The following KCNIP4 variants were observed in gnomAD, a reference collection of about 807,000 sequenced individuals.
KCNIP4 encodes the protein Kv channel-interacting protein 4.
A neutral mutation model predicts 34.0 loss-of-function variants in KCNIP4; 12 were observed. The observed-to-expected ratio is 0.35, with a 90% CI of 0.23 to 0.57. The LOEUF is 0.57. Among genes scored for constraint, KCNIP4 ranks in the 20% least tolerant of loss-of-function variants. The probability of loss-of-function intolerance (pLI) is 0.83; values close to 1 mark genes in which losing one functional copy is unlikely to be tolerated. For missense variants in KCNIP4, 238 were observed against 311.7 expected (o/e 0.76, Z 1.78); for synonymous variants, 124 against 102.2 (o/e 1.21, Z -1.29).
chr4:21,411,401 T>G (rs1019168911), intron 1 of KCNIP4, among the ~76,000 whole-genome samples: 1 of 152,208 alleles, frequency 6.6e-6, no homozygotes, highest in Admixed American at 6.5e-5. Flanking sequence ...AATCTACCCA[T>G]GAACCTTTGG....
intron 1 of KCNIP4, among the ~76,000 whole-genome samples, chr4:21,490,652 G>A (rs1732311503): frequency 6.6e-6 from 1 of 152,214 alleles, no homozygotes; most frequent in South Asian, 2.1e-4. Flanking sequence ...GCCCAGAAGT[G>A]CACACTATTC....
At chr4:21,263,155 A>G (rs1761580456) in intron 1 of KCNIP4, among the ~76,000 whole-genome samples, 2 of 152,198 alleles carry the variant, frequency 1.3e-5, no homozygotes, top group Non-Finnish European at 2.9e-5. Context: ...ATTGGTCCAT[A>G]TGATAATTCT....
At chr4:21,695,766 G>A (rs772761746) in intron 1 of KCNIP4, among the ~76,000 whole-genome samples, 1 of 152,104 alleles carries the variant, frequency 6.6e-6, no homozygotes, top group African/African-American at 2.4e-5. Context: ...CCCTATCAGA[G>A]AGGAAAGGAC....
chr4:21,038,181 T>C (rs954046374), intron 1 of KCNIP4, among the ~76,000 whole-genome samples: 2 of 152,066 alleles, frequency 1.3e-5, no homozygotes, highest in African/African-American at 4.8e-5. Context: ...TTTCACCACG[T>C]TGGCCAGATG....
intron 1 of KCNIP4, among the ~76,000 whole-genome samples, chr4:21,410,373 GGCA>G (rs1399767002): frequency 6.6e-6 from 1 of 152,138 alleles, no homozygotes; most frequent in Non-Finnish European, 1.5e-5. Context: ...CACAGAATGT[GGCA>G]GAATTAGTAT....
intron 3 of KCNIP4, chr4:20,767,260 A>G (rs1308433559): frequency 6.6e-6 from 1 of 152,076 alleles, no homozygotes; most frequent in African/African-American, 2.4e-5. Flanking sequence ...AAGTTGAATC[A>G]CTCTATCTAA....
chr4:21,481,405 C>G (rs1445591930), intron 1 of KCNIP4, among the ~76,000 whole-genome samples: 1 of 152,026 alleles, frequency 6.6e-6, no homozygotes, highest in African/African-American at 2.4e-5. Context: ...TGGAGAAGAC[C>G]CTTCCAGGAC....
chr4:21,009,293 T>G (rs1381250211), intron 1 of KCNIP4, among the ~76,000 whole-genome samples: 2 of 152,174 alleles, frequency 1.3e-5, no homozygotes, highest in Non-Finnish European at 2.9e-5. Flanking sequence ...AATAAATGAG[T>G]GAATAAAATT....
intron 3 of KCNIP4, among the ~76,000 whole-genome samples, chr4:20,832,430 A>G (rs1718534810): frequency 6.6e-6 from 1 of 152,176 alleles, no homozygotes; most frequent in South Asian, 2.1e-4. Context: ...ACTTCTGAGA[A>G]ATTAAAGACA....
At chr4:20,784,564 A>G (rs1368857839) in intron 3 of KCNIP4, among the ~76,000 whole-genome samples, 2 of 152,102 alleles carry the variant, frequency 1.3e-5, no homozygotes, top group Non-Finnish European at 2.9e-5. Flanking sequence ...ACTGTTAAAG[A>G]TTCCTCTTTC....
chr4:20,943,202 G>A (rs924376005), intron 1 of KCNIP4, among the ~76,000 whole-genome samples: 2 of 152,014 alleles, frequency 1.3e-5, no homozygotes, highest in South Asian at 2.1e-4. Flanking sequence ...ACTGAATTTG[G>A]TGAGGAATTC....
chr4:20,820,794 C>G (rs1578698165), intron 3 of KCNIP4, among the ~76,000 whole-genome samples: 1 of 152,198 alleles, frequency 6.6e-6, no homozygotes, highest in Non-Finnish European at 1.5e-5. Flanking sequence ...AGGGCCAACT[C>G]AATTTCTGCT....
intron 1 of KCNIP4, chr4:21,613,397 AC>A (rs1278755469): frequency 2.6e-5 from 4 of 152,144 alleles, no homozygotes; most frequent in African/African-American, 9.7e-5. Flanking sequence ...ATGGAGAAAA[AC>A]TAAGGCCTCC....
chr4:21,446,998 A>AG (rs1035481289), intron 1 of KCNIP4, among the ~76,000 whole-genome samples: 9 of 152,014 alleles, frequency 5.9e-5, no homozygotes, highest in Middle Eastern at 3.4e-3. Flanking sequence ...AGGTGCATAC[A>AG]GAAAAAAAAA....
intron 4 of KCNIP4, among the ~76,000 whole-genome samples, chr4:20,749,953 A>G (rs1460130527): frequency 6.6e-6 from 1 of 152,210 alleles, no homozygotes; most frequent in Non-Finnish European, 1.5e-5. Flanking sequence ...AACATTCTCT[A>G]TGAGTTTCTG....
chr4:21,712,939 G>A (rs915546715), intron 1 of KCNIP4, among the ~76,000 whole-genome samples: 1 of 152,104 alleles, frequency 6.6e-6, no homozygotes, highest in Non-Finnish European at 1.5e-5. Context: ...CTTCCTCCCT[G>A]TGTCTGCTTC....
intron 1 of KCNIP4, among the ~76,000 whole-genome samples, chr4:21,404,961 G>A (rs1234778714): frequency 1.3e-5 from 2 of 152,090 alleles, no homozygotes; most frequent in African/African-American, 2.4e-5. Context: ...AGGCCTATCT[G>A]TGCACTTCCT....
intron 1 of KCNIP4, among the ~76,000 whole-genome samples, chr4:21,501,717 C>T (rs76273943): frequency 0.083 from 3,212 of 38,522 alleles, 101 homozygotes; most frequent in African/African-American, 0.18. Context: ...TGTGTGTGTG[C>T]GTTGGAAGGG....
At chr4:20,835,874 C>T (rs1343231699) in intron 3 of KCNIP4, among the ~76,000 whole-genome samples, 1 of 152,158 alleles carries the variant, frequency 6.6e-6, no homozygotes, top group East Asian at 1.9e-4. Context: ...CTCTTTCCCT[C>T]CTAGCCACAT....
Sources: gnomAD v4.1 joint callset for allele counts (sites outside exome capture counted in the v4.1 genomes callset) on GRCh38, gnomAD v4.1.1 for gene constraint, MANE v1.5 for transcripts, NCBI Gene and HGNC (gene_info 2026-07-23, HGNC 2026-07-21) for gene names.